RASA1: variants seen among roughly 807,000 people sequenced by gnomAD.
The protein encoded by RASA1 is RAS p21 protein activator 1.
Under a neutral mutation model 132.2 loss-of-function variants are expected in RASA1, and 25 were observed. The observed-to-expected ratio is 0.19, with a 90% CI of 0.14 to 0.26. The LOEUF is 0.26. RASA1 is among the 10% of genes least tolerant of loss of function. RASA1 has a pLI of 1.00. For missense variants in RASA1, 964 were observed against 1,299.2 expected, an observed-to-expected ratio of 0.74 and a Z score of 3.97; for synonymous variants, 477 against 449.9, an observed-to-expected ratio of 1.06 and a Z score of -0.76.
chr5:87,372,001 G>A, intron 12 of RASA1, 117 bp from the exon 13 acceptor site: 2 of 716,732 alleles, frequency 2.8e-6, no homozygotes, highest in Non-Finnish European at 4.7e-6. Flanking sequence ...TCTGAGAATA[G>A]AAATGGCAGT....
At chr5:87,390,548 T>A (rs1762433250) in intron 24 of RASA1, among the ~76,000 whole-genome samples, 1 of 152,166 alleles carries the variant, frequency 6.6e-6, no homozygotes, top group Non-Finnish European at 1.5e-5. Context: ...GTGTGATAGT[T>A]CTGGCCTAAA....
chr5:87,332,367 A>T, intron 2 of RASA1, 140 bp from the exon 3 acceptor site: 1 of 822,646 alleles, frequency 1.2e-6, no homozygotes, highest in Non-Finnish European at 1.9e-6. Context: ...GAAGATACTA[A>T]TAAGTGGTAT....
chr5:87,376,606 C>T (rs1761344140), intron 16 of RASA1, 41 bp downstream of exon 16: 1 of 1,583,862 alleles, frequency 6.3e-7, no homozygotes, highest in Non-Finnish European at 8.7e-7. Flanking sequence ...TTGGAATTAA[C>T]AGAAACATTT....
intron 6 of RASA1, among the ~76,000 whole-genome samples, chr5:87,345,977 T>C (rs567301604): frequency 3.3e-5 from 5 of 152,164 alleles, no homozygotes; most frequent in Non-Finnish European, 7.4e-5. Context: ...AAATCAGATA[T>C]ATCCTTTTAT....
In RASA1 at chr5:87,331,425, T is replaced by C. The variant is rs182498192; in HGVS notation, c.617T>C (p.Ile206Thr). 5.9e-5 allele frequency: 95 copies of C among 1,613,888 alleles called. No homozygotes were observed. The Admixed American group carries it at 1.5e-3, about 26-fold the overall frequency. The change falls in exon 2 of 25, where the codon ATA becomes ACA. Residue 206 changes from isoleucine (I) to threonine (T), a missense_variant. Physicochemically the swap from Ile to Thr is moderately conservative, Grantham distance 89 (BLOSUM62 -1). This residue lies in a region of RASA1 where 326 missense variants were observed against 275.8 expected (regional missense o/e 1.18). Transcript: ENST00000274376. ...RQAGKSGSYLIRESDRRPGSF... is the reference protein window; with the variant it reads ...RQAGKSGSYLTRESDRRPGSF... ...GCAGGGAAGTCTGGCAGTTATCTTA[T>C]AAGAGAGAGTGATCGGAGGCCAGGG...
At position 87,390,993 on chromosome 5, in the gene RASA1, C is replaced by T; in HGVS notation, c.*110C>T. On this transcript the variant is annotated 3_prime_UTR_variant, in exon 25 of 25. Coordinates refer to ENST00000274376, the MANE Select transcript of RASA1 (RefSeq NM_002890.3). Reference sequence around the variant, plus strand: ...AAAAAATAGCACACTTTTCCACATTCCAGTGATGTGTGAGCTATGCAAACA... The same window carrying T: ...AAAAAATAGCACACTTTTCCACATTTCAGTGATGTGTGAGCTATGCAAACA... 1 of 1,087,074 alleles carries T rather than the reference C, an allele frequency of 9.2e-7. No individual in the cohort carries two copies. Among genetic ancestry groups the T allele is most frequent in the East Asian group, 2.5e-5 (1 of 39,692 alleles). 67.3% of individuals were successfully genotyped at this position (1,087,074 alleles called of 1,614,324 possible). A position where few individuals can be genotyped will look rare whatever the true frequency, so the allele number is the denominator to read the frequency against.
intron 1 of RASA1, among the ~76,000 whole-genome samples, chr5:87,271,718 G>T (rs2112229147): frequency 6.6e-6 from 1 of 151,888 alleles, no homozygotes; most frequent in South Asian, 2.1e-4. Flanking sequence ...CTGACCTCAG[G>T]TGATCCACTT....
intron 1 of RASA1, among the ~76,000 whole-genome samples, chr5:87,302,164 T>C (rs1755394377): frequency 6.6e-6 from 1 of 152,156 alleles, no homozygotes; most frequent in Admixed American, 6.5e-5. Context: ...AGTAGCAACA[T>C]GTGAGAATTT....
At chr5:87,286,583 C>G (rs1561255765) in intron 1 of RASA1, among the ~76,000 whole-genome samples, 3 of 151,794 alleles carry the variant, frequency 2.0e-5, no homozygotes, top group African/African-American at 7.3e-5. Flanking sequence ...CTGTTATACT[C>G]TACTTAAAAA....
In RASA1 at chr5:87,349,226, G is replaced by C. The variant is rs1179465272; in HGVS notation, c.1115G>C (p.Cys372Ser). The C allele has an allele frequency of 1.2e-6, 2 of 1,611,762 alleles. No homozygotes were observed. Among genetic ancestry groups the C allele is most frequent in the Admixed American group, 1.7e-5 (1 of 59,828 alleles). The change falls in exon 8 of 25, where the codon TGC becomes TCC. Residue 372 changes from cysteine to serine, a missense_variant. By Grantham distance (112) the Cys-to-Ser change is moderately radical. Transcript: ENST00000274376. ...TTAATTCTTACAGTTGGTCAAGTCT[G>C]CAGTTTTCTTGTGAGGCCCTCAGAT... is the stretch of plus-strand genomic sequence containing the variant. ...YNLLMTVGQV[C>S]SFLVRPSDNT...
chr5:87,286,589 A>G (rs963634514), intron 1 of RASA1, among the ~76,000 whole-genome samples: 2 of 152,050 alleles, frequency 1.3e-5, no homozygotes, highest in Admixed American at 1.3e-4. Flanking sequence ...TACTCTACTT[A>G]AAAATTACTG....
chr5:87,296,835 G>A (rs1755142199), intron 1 of RASA1, among the ~76,000 whole-genome samples: 2 of 152,094 alleles, frequency 1.3e-5, no homozygotes, highest in African/African-American at 4.8e-5. Context: ...TGGATCTGTG[G>A]TTTGGTGTCT....
intron 1 of RASA1, among the ~76,000 whole-genome samples, chr5:87,313,101 C>A (rs1287004366): frequency 6.6e-6 from 1 of 152,074 alleles, no homozygotes; most frequent in African/African-American, 2.4e-5. Flanking sequence ...GTATGGACTG[C>A]AGATATTATG....
chr5:87,276,124 G>C (rs1465758463), intron 1 of RASA1, among the ~76,000 whole-genome samples: 2 of 152,070 alleles, frequency 1.3e-5, no homozygotes, highest in Non-Finnish European at 2.9e-5. Context: ...TGTAATACGA[G>C]ATAATAGAAT....
intron 1 of RASA1, among the ~76,000 whole-genome samples, chr5:87,288,368 C>G (rs972935587): frequency 1.3e-5 from 2 of 151,924 alleles, no homozygotes; most frequent in African/African-American, 4.8e-5. Context: ...CAAACAGTGG[C>G]AGCAACGATG....
At chr5:87,378,604 G>T in intron 18 of RASA1, 66 bp downstream of exon 18, 1 of 1,454,158 alleles carries the variant, frequency 6.9e-7, no homozygotes, top group Non-Finnish European at 9.5e-7. Context: ...ATAATTTGTA[G>T]CCAATTACAT....
intron 11 of RASA1, among the ~76,000 whole-genome samples, chr5:87,367,641 GAC>G (rs1760623508): frequency 1.3e-5 from 2 of 152,162 alleles, no homozygotes; most frequent in African/African-American, 4.8e-5. Flanking sequence ...ATGTCTTAGT[GAC>G]ACAAAGTTAT....
intron 9 of RASA1, among the ~76,000 whole-genome samples, chr5:87,358,919 T>C (rs1357892419): frequency 6.6e-6 from 1 of 150,704 alleles, no homozygotes; most frequent in Non-Finnish European, 1.5e-5. Context: ...ATCTTTCAAG[T>C]TTTTGCTCAA....
At chr5:87,276,343 T>G (rs1369020311) in intron 1 of RASA1, among the ~76,000 whole-genome samples, 1 of 152,232 alleles carries the variant, frequency 6.6e-6, no homozygotes, top group Non-Finnish European at 1.5e-5. Flanking sequence ...CTGTGTTACC[T>G]TGAAATCACT....
Sources: gnomAD v4.1 joint callset for allele counts (sites outside exome capture counted in the v4.1 genomes callset) on GRCh38, gnomAD v4.1.1 for gene constraint, gnomAD v4.1.1 regional missense constraint, MANE v1.5 for transcripts, NCBI Gene and HGNC (gene_info 2026-07-23, HGNC 2026-07-21) for gene names.